The following MBD5 variants were observed in gnomAD, a reference collection of about 807,000 sequenced individuals.
MBD5 encodes the protein methyl-CpG-binding domain protein 5.
A neutral mutation model predicts 117.3 loss-of-function variants in MBD5; 13 were observed. That is an observed-to-expected ratio of 0.11 (90% CI 0.07 to 0.18). The LOEUF (loss-of-function observed/expected upper bound fraction) is 0.18, where lower values mean the gene tolerates loss of function less well. Among genes scored for constraint, MBD5 ranks in the 10% least tolerant of loss-of-function variants. The pLI is 1.00. For synonymous variants in MBD5, 727 were observed against 766.4 expected, an observed-to-expected ratio of 0.95 and a Z score of 0.85; for missense variants, 1,879 against 2,093.8, an observed-to-expected ratio of 0.90 and a Z score of 2.00.
intron 4 of MBD5, among the ~76,000 whole-genome samples, chr2:148,399,105 C>CT (rs1444243039): frequency 3.9e-5 from 6 of 152,126 alleles, no homozygotes; most frequent in Non-Finnish European, 8.8e-5. Context: ...CAGCTTTGTT[C>CT]TTTTGGCTTA....
At chr2:148,443,018 A>G (rs1012479666) in intron 4 of MBD5, among the ~76,000 whole-genome samples, 1 of 151,448 alleles carries the variant, frequency 6.6e-6, no homozygotes, top group Non-Finnish European at 1.5e-5. Context: ...AATAACCAGA[A>G]TATACAAGGA....
At chr2:148,089,257 G>A (rs373229573) in intron 1 of MBD5, among the ~76,000 whole-genome samples, 1 of 151,586 alleles carries the variant, frequency 6.6e-6, no homozygotes, top group Non-Finnish European at 1.5e-5. Context: ...ATAATAGTGG[G>A]GGGACTTCAG....
intron 13 of MBD5, among the ~76,000 whole-genome samples, chr2:148,512,563 G>T (rs1161005125): frequency 6.6e-6 from 1 of 152,124 alleles, no homozygotes; most frequent in East Asian, 1.9e-4. Flanking sequence ...GGACAATGGG[G>T]GTAACAACTG....
Position 148,470,184 on chromosome 2 carries a change from T to G in MBD5, c.2241T>G (p.Ser747Arg). Residue 747 changes from serine (S) to arginine (R), a missense_variant, in exon 8 of 14, where the codon AGT becomes AGG. Transcript: ENST00000642680. The part of the protein sequence containing the change: ...LHFTDPSMNS[S>R]VLQNIPLRGE... ...TTACAGATCCCAGTATGAACTCTAG[T>G]GTTCTTCAGAACATACCTTTAAGAG... The G allele has an allele frequency of 6.2e-7, 1 of 1,613,992 alleles. No homozygotes were observed. Among genetic ancestry groups the G allele is most frequent in the Non-Finnish European group, 8.5e-7 (1 of 1,179,912 alleles).
At chr2:148,438,341 T>A (rs1473290300) in intron 4 of MBD5, among the ~76,000 whole-genome samples, 1 of 152,216 alleles carries the variant, frequency 6.6e-6, no homozygotes, top group Non-Finnish European at 1.5e-5. Flanking sequence ...AAGTAAATGC[T>A]GTCACTTGAA....
At chr2:148,468,149 A>G (rs1205375362) in intron 7 of MBD5, among the ~76,000 whole-genome samples, 192 bp from the exon 8 acceptor site, 1 of 152,158 alleles carries the variant, frequency 6.6e-6, no homozygotes, top group Non-Finnish European at 1.5e-5. Flanking sequence ...ACATTTTTTA[A>G]ATCAAATTTA....
intron 2 of MBD5, among the ~76,000 whole-genome samples, chr2:148,189,100 G>A (rs550054239): frequency 1.5e-3 from 215 of 143,960 alleles, no homozygotes; most frequent in African/African-American, 5.3e-3. Flanking sequence ...TGGCTCAGAG[G>A]GTCCTACGCC....
At chr2:148,150,275 G>T (rs1486698376) in intron 1 of MBD5, among the ~76,000 whole-genome samples, 1 of 148,948 alleles carries the variant, frequency 6.7e-6, no homozygotes, top group South Asian at 2.2e-4. Context: ...ATTTCTGAGG[G>T]CTCTGTTCTG....
chr2:148,472,776 T>A (rs2105666063), intron 8 of MBD5, among the ~76,000 whole-genome samples: 1 of 152,306 alleles, frequency 6.6e-6, no homozygotes, highest in South Asian at 2.1e-4. Flanking sequence ...GAAAACCACA[T>A]TTTATTCTTA....
intron 4 of MBD5, among the ~76,000 whole-genome samples, chr2:148,374,849 G>A (rs965156637): frequency 4.3e-4 from 65 of 152,036 alleles, no homozygotes; most frequent in African/African-American, 1.2e-3. Context: ...CCACACATGC[G>A]TATGACTATA....
chr2:148,398,476 T>G (rs1704805482), intron 4 of MBD5, among the ~76,000 whole-genome samples: 1 of 152,222 alleles, frequency 6.6e-6, no homozygotes, highest in Admixed American at 6.5e-5. Flanking sequence ...GTTCATATCC[T>G]TAGCCCACTT....
intron 1 of MBD5, among the ~76,000 whole-genome samples, chr2:148,170,858 A>T (rs1251161830): frequency 6.6e-6 from 1 of 152,232 alleles, no homozygotes; most frequent in African/African-American, 2.4e-5. Flanking sequence ...ACCACTATGA[A>T]CAATTCTACA....
intron 3 of MBD5, among the ~76,000 whole-genome samples, chr2:148,331,183 T>G (rs556477597): frequency 6.6e-6 from 1 of 152,318 alleles, no homozygotes; most frequent in South Asian, 2.1e-4. Flanking sequence ...TGCAGCACAC[T>G]TAAGAATTTA....
intron 2 of MBD5, among the ~76,000 whole-genome samples, chr2:148,222,786 T>C (rs982477794): frequency 6.6e-6 from 1 of 152,102 alleles, no homozygotes; most frequent in Non-Finnish European, 1.5e-5. Flanking sequence ...TCTGGTTTTC[T>C]AGCTAGGACT....
At chr2:148,029,910 G>T (rs1693992608) in intron 1 of MBD5, among the ~76,000 whole-genome samples, 1 of 152,228 alleles carries the variant, frequency 6.6e-6, no homozygotes, top group East Asian at 1.9e-4. Context: ...TAAATCTAAT[G>T]CATTGCTGGT....
intron 2 of MBD5, among the ~76,000 whole-genome samples, chr2:148,207,920 G>T (rs1982387): frequency 0.15 from 22,765 of 152,092 alleles, 1,856 homozygotes; most frequent in African/African-American, 0.18. Flanking sequence ...AGTGTCCTGT[G>T]GCTTCTGTAA....
intron 1 of MBD5, among the ~76,000 whole-genome samples, chr2:148,064,128 C>CTTT (rs35256354): frequency 2.6e-5 from 2 of 78,092 alleles, no homozygotes; most frequent in Admixed American, 1.4e-4. Flanking sequence ...TGTCTTTTTT[C>CTTT]TTTTTTTTTT....
chr2:148,381,696 G>C (rs1462039903), intron 4 of MBD5, among the ~76,000 whole-genome samples: 1 of 152,112 alleles, frequency 6.6e-6, no homozygotes, highest in African/African-American at 2.4e-5. Context: ...AAATGTTAAG[G>C]GCAGCCAGAG....
chr2:148,121,556 T>C (rs1696769062), intron 1 of MBD5, among the ~76,000 whole-genome samples: 1 of 152,100 alleles, frequency 6.6e-6, no homozygotes, highest in Admixed American at 6.5e-5. Flanking sequence ...ACTTTTAAAG[T>C]CCATTTGGTT....
Sources: allele counts gnomAD v4.1 joint callset (sites outside exome capture counted in the v4.1 genomes callset), GRCh38; gene constraint gnomAD v4.1.1; transcripts MANE v1.5; gene names NCBI Gene and HGNC (gene_info 2026-07-23, HGNC 2026-07-21).